The following PLCG1 variants were observed in gnomAD, a reference collection of about 807,000 sequenced individuals.
The protein encoded by PLCG1 is 1-phosphatidylinositol 4,5-bisphosphate phosphodiesterase gamma-1.
PLCG1 carries 71 observed loss-of-function variants against 177.8 expected under a neutral mutation model. The observed-to-expected ratio is 0.40, with a 90% CI of 0.33 to 0.49. The LOEUF (loss-of-function observed/expected upper bound fraction) is 0.49. Among genes scored for constraint, PLCG1 ranks in the 20% least tolerant of loss-of-function variants. The probability of loss-of-function intolerance (pLI) is 0.72; values close to 1 mark genes in which losing one functional copy is unlikely to be tolerated. For missense variants in PLCG1, 1,281 were observed against 1,709.0 expected, an observed-to-expected ratio of 0.75 and a Z score of 4.42; for synonymous variants, 658 against 647.9, an observed-to-expected ratio of 1.02 and a Z score of -0.24.
In PLCG1 at chr20:41,137,824, G is replaced by C; in HGVS notation, c.183G>C (p.Thr61=). Residue 61 remains threonine, a synonymous_variant, in exon 1 of 32, where the codon ACG becomes ACC. Transcript: ENST00000685551. This position sits in a 1 kb window ranked among gnomAD's most constrained non-coding sequence, Gnocchi z 7.3. ...FQVKLETRQI[T]WSRGADKIEG... is the part of the protein sequence containing the mutation. ...TCAAGCTGGAGACGCGCCAGATCAC[G>C]TGGAGCCGGGGCGCCGACAAGATCG... 1 of 1,297,758 alleles carries C rather than the reference G, an allele frequency of 7.7e-7. No homozygotes were observed. The highest frequency in any genetic ancestry group is 3.2e-5 in the South Asian group (1 of 30,944). The allele number at this position is 1,297,758 out of a possible 1,614,324, so 80.4% of individuals were successfully genotyped here. A position where few individuals can be genotyped will look rare whatever the true frequency, so the allele number is the denominator to read the frequency against.
At chr20:41,169,224 C>T (rs1279434193) in intron 22 of PLCG1, 49 bp downstream of exon 22, 4 of 1,332,530 alleles carry the variant, frequency 3.0e-6, no homozygotes, top group East Asian at 2.3e-5. Context: ...CCCAGATTCT[C>T]CTTGGCATGC....
In PLCG1 at chr20:41,173,398, G is replaced by A. The variant is rs1273931049; in HGVS notation, c.3280-22G>A. ...GAGGGAGCAGGAAGGACAATCCCAGGCCCTTCTTTGTCTGCCTACAGGTGC... is the reference window on the plus strand; with the variant it reads ...GAGGGAGCAGGAAGGACAATCCCAGACCCTTCTTTGTCTGCCTACAGGTGC... On this transcript the variant is annotated intron_variant, in intron 27 of 31. Transcript: ENST00000685551. This position sits in a 1 kb window ranked among gnomAD's most constrained non-coding sequence, Gnocchi z 6.2. 6.4e-7 allele frequency: 1 copy of A among 1,557,128 alleles called. No homozygotes were observed. Among genetic ancestry groups the A allele is most frequent in the South Asian group, 1.3e-5 (1 of 79,906 alleles).
At chr20:41,158,762 C>T (rs950436098) in intron 1 of PLCG1, among the ~76,000 whole-genome samples, 1 of 152,228 alleles carries the variant, frequency 6.6e-6, no homozygotes, top group African/African-American at 2.4e-5. Context: ...GCCAGTCTCA[C>T]CCAGAGCTCG....
In PLCG1 at chr20:41,147,579, G is replaced by A. The variant is rs755789848; in HGVS notation, c.217+9721G>A. Among the ~76,000 whole-genome samples, 34 of 152,214 alleles carry A rather than the reference G, an allele frequency of 2.2e-4. No homozygotes were observed. Among genetic ancestry groups the A allele is most frequent in the Non-Finnish European group, 2.9e-4 (20 of 68,036 alleles). ...AAAGAATTTAAGCTGGGCTGGGCAC[G>A]GTGGCTCACGCCTGTAATCCCAGCA... is the stretch of plus-strand genomic sequence containing the variant. On this transcript the variant is annotated intron_variant, in intron 1 of 31. Coordinates refer to ENST00000685551, the MANE Select transcript of PLCG1 (RefSeq NM_002660.3). The surrounding 1 kb of genome is among the most constrained non-coding windows in gnomAD (Gnocchi z 4.0).
chr20:41,163,697 C>A lies in PLCG1; in HGVS notation c.892-18C>A. On this transcript the variant is annotated intron_variant, in intron 9 of 31. Coordinates refer to ENST00000685551, the MANE Select transcript of PLCG1 (RefSeq NM_002660.3). This position sits in a 1 kb window ranked among gnomAD's most constrained non-coding sequence, Gnocchi z 5.2. The stretch of plus-strand genomic sequence containing the variant: ...GCAGGGACTCACTGTCTCTTCCCTT[C>A]CACATGTTTCTGGACAGTTTGTCAC... 6.6e-7 allele frequency: 1 copy of A among 1,524,896 alleles called. No homozygotes were observed. Among genetic ancestry groups the A allele is most frequent in the South Asian group, 1.1e-5 (1 of 89,306 alleles). The allele number at this position is 1,524,896 out of a possible 1,614,324, so 94.5% of individuals were successfully genotyped here.
Position 41,163,034 on chromosome 20 carries a change from C to G in PLCG1, c.716+42C>G, listed in dbSNP as rs752679145. ...GGAGGTGGGGTTTTCCCTGGGCCCC[C>G]TTCATCTCTCCACTGGGCGATTCTT... On this transcript the variant is annotated intron_variant, in intron 7 of 31. Transcript: ENST00000685551. The surrounding 1 kb of genome is among the most constrained non-coding windows in gnomAD (Gnocchi z 5.2). 6 of 1,596,748 alleles carry G rather than the reference C, an allele frequency of 3.8e-6. No individual in the cohort carries two copies. The highest frequency in any genetic ancestry group is 5.2e-6 in the Non-Finnish European group (6 of 1,164,134).
chr20:41,174,483 C>T lies in PLCG1; in HGVS notation c.3850C>T (p.Arg1284Trp), dbSNP rs2036001402. ...SRERRAPRRT[R>W]VNGDNRL ...TCTGTCCAGGGCCCCAAGAAGGACT[C>T]GGGTCAATGGAGACAACCGCCTCTA... is the stretch of plus-strand genomic sequence containing the variant. The change falls in exon 32 of 32, where the codon CGG (arginine) becomes TGG (tryptophan). Residue 1284 changes from arginine to tryptophan, a missense_variant. Arg to Trp is a moderately radical substitution (Grantham distance 101). Transcript: ENST00000685551. This position sits in a 1 kb window ranked among gnomAD's most constrained non-coding sequence, Gnocchi z 5.8. The T allele has an allele frequency of 5.0e-6, 8 of 1,585,536 alleles. No individual in the cohort carries two copies. Among genetic ancestry groups the T allele is most frequent in the Non-Finnish European group, 6.9e-6 (8 of 1,163,682 alleles).
At chr20:41,169,026 C>A in intron 21 of PLCG1, 53 bp from the exon 22 acceptor site, 1 of 1,424,390 alleles carries the variant, frequency 7.0e-7, no homozygotes, top group South Asian at 1.1e-5. Context: ...GGATACCCTC[C>A]TCATGGGAGT....
chr20:41,172,166 G>A lies in PLCG1; in HGVS notation c.2809-27G>A, dbSNP rs2035922046. The A allele has an allele frequency of 6.4e-7, 1 of 1,573,096 alleles. No individual in the cohort carries two copies. Among genetic ancestry groups the A allele is most frequent in the Non-Finnish European group, 8.8e-7 (1 of 1,142,496 alleles). ...CTCCTGGGCAGGGCTGTAGCCTGGG[G>A]CTACAGGGCCTTGTGTGTGTCACCA... On this transcript the variant is annotated intron_variant, in intron 24 of 31. Coordinates refer to ENST00000685551, the MANE Select transcript of PLCG1 (RefSeq NM_002660.3). The surrounding 1 kb of genome is among the most constrained non-coding windows in gnomAD (Gnocchi z 7.0).
rs147211313 is a variant in PLCG1 at position 41,164,052 on chromosome 20, C to T, written c.1097-29C>T. On this transcript the variant is annotated intron_variant, in intron 11 of 31. Transcript: ENST00000685551. The surrounding 1 kb of genome is among the most constrained non-coding windows in gnomAD (Gnocchi z 6.4). ...GGGGAGGGAAGATGGGAGGCCTGCC[C>T]GCTTGACCATGGTGATGTTGCTCCC... 7.8e-3 allele frequency: 12,630 copies of T among 1,614,146 alleles called. 61 individuals are homozygous for T. Among genetic ancestry groups the T allele is most frequent in the Non-Finnish European group, 9.0e-3 (10,673 of 1,180,006 alleles).
At chr20:41,170,070 G>T in intron 23 of PLCG1, 42 bp from the exon 24 acceptor site, 4 of 1,560,150 alleles carry the variant, frequency 2.6e-6, no homozygotes, top group Non-Finnish European at 3.5e-6. Flanking sequence ...TGGAGGGGGT[G>T]AGATGTCTAT....
Position 41,160,192 on chromosome 20 carries a change from G to GA in PLCG1, c.512+40dup. ...TGTGGCTGTAGCCCAGCAGGGTGGG[G>GA]ATGGGCATCCAGAACCTTAGCCAGG... On this transcript the variant is annotated intron_variant, in intron 4 of 31. Transcript: ENST00000685551. This position sits in a 1 kb window ranked among gnomAD's most constrained non-coding sequence, Gnocchi z 5.5. 6.3e-7 allele frequency: 1 copy of GA among 1,594,604 alleles called. No individual in the cohort carries two copies. Among genetic ancestry groups the GA allele is most frequent in the Non-Finnish European group, 8.6e-7 (1 of 1,162,774 alleles).
At position 41,144,857 on chromosome 20, in the gene PLCG1, C is replaced by T; in HGVS notation, c.217+6999C>T. On this transcript the variant is annotated intron_variant, in intron 1 of 31. Transcript: ENST00000685551. The surrounding 1 kb of genome is among the most constrained non-coding windows in gnomAD (Gnocchi z 4.1). ...TGTTCCATCTCACCATACCTACTCT[C>T]CTTAAAAAAAAACAAAAAACTAGCT... 6.6e-6 allele frequency among the ~76,000 whole-genome samples: 1 copy of T among 152,010 alleles called. No homozygotes were observed. The highest frequency in any genetic ancestry group is 1.9e-4 in the East Asian group (1 of 5,186).
Position 41,160,021 on chromosome 20 carries a change from G to A in PLCG1, c.464+58G>A. On this transcript the variant is annotated intron_variant, in intron 3 of 31. Transcript: ENST00000685551. The surrounding 1 kb of genome is among the most constrained non-coding windows in gnomAD (Gnocchi z 5.5). ...GAGCATTAGGGACCAGGGGGACAGG[G>A]ACAGCAGACCTTTGTGTGCCCAGAC... 1 of 1,598,194 alleles carries A rather than the reference G, an allele frequency of 6.3e-7. No homozygotes were observed. The highest frequency in any genetic ancestry group is 8.6e-7 in the Non-Finnish European group (1 of 1,165,522).
At position 41,145,111 on chromosome 20, in the gene PLCG1, G is replaced by T. The variant is rs556803571; in HGVS notation, c.217+7253G>T. Among the ~76,000 whole-genome samples, 24 of 152,294 alleles carry T rather than the reference G, an allele frequency of 1.6e-4. No individual in the cohort carries two copies. The South Asian group carries it at 4.1e-3, about 26-fold the overall frequency. On this transcript the variant is annotated intron_variant, in intron 1 of 31. Transcript: ENST00000685551. Reference sequence around the variant, plus strand: ...GCAAGAGGCTGCTCTGTCAGGGTAGGTGAGGGTGTGCTGTGATAACAAATG... The same window carrying T: ...GCAAGAGGCTGCTCTGTCAGGGTAGTTGAGGGTGTGCTGTGATAACAAATG...
At position 41,166,134 on chromosome 20, in the gene PLCG1, C is replaced by T; in HGVS notation, c.1800-60C>T. The T allele has an allele frequency of 6.8e-7, 1 of 1,471,778 alleles. No individual in the cohort carries two copies. Among genetic ancestry groups the T allele is most frequent in the Non-Finnish European group, 9.4e-7 (1 of 1,063,342 alleles). The allele number at this position is 1,471,778 out of a possible 1,614,324, so 91.2% of individuals were successfully genotyped here. A position where few individuals can be genotyped will look rare whatever the true frequency, so the allele number is the denominator to read the frequency against. On this transcript the variant is annotated intron_variant, in intron 16 of 31. Coordinates refer to ENST00000685551, the MANE Select transcript of PLCG1 (RefSeq NM_002660.3). This position sits in a 1 kb window ranked among gnomAD's most constrained non-coding sequence, Gnocchi z 8.6. ...AGTTCCACCCTCATTTGGGGTGGAACTTGGTCTTTGGGGCCCTGGCCTGTT... is the reference window on the plus strand; with the variant it reads ...AGTTCCACCCTCATTTGGGGTGGAATTTGGTCTTTGGGGCCCTGGCCTGTT...
rs904776282 is a variant in PLCG1 at position 41,167,742 on chromosome 20, G to A, written c.2302-110G>A. 1.3e-6 allele frequency: 1 copy of A among 754,504 alleles called. No homozygotes were observed. The highest frequency in any genetic ancestry group is 1.7e-5 in the African/African-American group (1 of 58,394). The allele number at this position is 754,504 out of a possible 1,614,324, so 46.7% of individuals were successfully genotyped here. On this transcript the variant is annotated intron_variant, in intron 19 of 31. Transcript: ENST00000685551. This position sits in a 1 kb window ranked among gnomAD's most constrained non-coding sequence, Gnocchi z 4.4. ...GAGGTCGAAGGATCCCTGTGGATCA[G>A]GTGCAAGTTTGCTGCACTGGGGGAA...
Position 41,165,361 on chromosome 20 carries a change from G to A in PLCG1, c.1503G>A (p.Val501=), listed in dbSNP as rs139753720. The A allele has an allele frequency of 9.3e-6, 15 of 1,614,042 alleles. 1 individual carries two copies. In the African/African-American group the frequency reaches 1.2e-4, roughly 13 times the overall value. ...GCATCCTCTACCTGGAGGACCCTGT[G>A]AACCACGTGAGGACTGGGCCAGGCT... ...KNGILYLEDP[V]NHEWYPHYFV... Residue 501 remains valine, a synonymous_variant, in exon 14 of 32, where the codon GTG becomes GTA. Coordinates refer to ENST00000685551, the MANE Select transcript of PLCG1 (RefSeq NM_002660.3). This position sits in a 1 kb window ranked among gnomAD's most constrained non-coding sequence, Gnocchi z 6.6.
chr20:41,149,797 CA>C (rs2035109060), intron 1 of PLCG1, among the ~76,000 whole-genome samples: 1 of 152,142 alleles, frequency 6.6e-6, no homozygotes, highest in Non-Finnish European at 1.5e-5. Context: ...GCATGAAAAC[CA>C]GGCAAGGTTG....
Sources: allele counts gnomAD v4.1 joint callset (sites outside exome capture counted in the v4.1 genomes callset), GRCh38; gene constraint gnomAD v4.1.1; non-coding constraint Gnocchi (gnomAD v3.1); transcripts MANE v1.5; gene names NCBI Gene and HGNC (gene_info 2026-07-23, HGNC 2026-07-21).